AP2A1: variants seen among roughly 807,000 people sequenced by gnomAD.
The protein encoded by AP2A1 is AP-2 complex subunit alpha-1.
In AP2A1, 21 loss-of-function variants were observed where a neutral mutation model predicts 107.3. That is an observed-to-expected ratio of 0.20 (90% CI 0.14 to 0.28). The LOEUF is 0.28. Among genes scored for constraint, AP2A1 ranks in the 10% least tolerant of loss-of-function variants. The pLI, the probability that AP2A1 is intolerant of heterozygous loss-of-function variation, is 1.00. For synonymous variants in AP2A1, 602 were observed against 564.8 expected, an observed-to-expected ratio of 1.07 and a Z score of -0.93; for missense variants, 873 against 1,307.7, an observed-to-expected ratio of 0.67 and a Z score of 5.13.
chr19:49,794,466 T>C (rs993778304), intron 6 of AP2A1, among the ~76,000 whole-genome samples: 2 of 151,998 alleles, frequency 1.3e-5, no homozygotes, highest in Non-Finnish European at 2.9e-5. Context: ...CCTCCGAAAG[T>C]GCTGGGATTA....
intron 4 of AP2A1, among the ~76,000 whole-genome samples, chr19:49,784,832 C>T (rs187730976): frequency 6.6e-6 from 1 of 152,234 alleles, no homozygotes; most frequent in Non-Finnish European, 1.5e-5. Flanking sequence ...CTCATCACTG[C>T]ACTCTAACCT....
intron 1 of AP2A1, among the ~76,000 whole-genome samples, chr19:49,776,119 A>T (rs1049185326): frequency 2.0e-5 from 3 of 151,146 alleles, no homozygotes; most frequent in Non-Finnish European, 4.4e-5. Flanking sequence ...TGCCCCTCCC[A>T]TGGCCCCCCC....
intron 4 of AP2A1, among the ~76,000 whole-genome samples, chr19:49,791,696 C>G (rs1009317851): frequency 6.6e-6 from 1 of 152,150 alleles, no homozygotes; most frequent in African/African-American, 2.4e-5. Flanking sequence ...GGTGCAGAGC[C>G]AGGCTTGACA....
chr19:49,805,621 A>AG, intron 19 of AP2A1, 40 bp from the exon 20 acceptor site: 1 of 1,552,708 alleles, frequency 6.4e-7, no homozygotes. Flanking sequence ...CTCCGGGGTG[A>AG]GGGGCGGGGC....
intron 5 of AP2A1, among the ~76,000 whole-genome samples, 162 bp from the exon 6 acceptor site, chr19:49,792,829 T>G (rs1600232112): frequency 6.6e-6 from 1 of 151,924 alleles, no homozygotes; most frequent in East Asian, 1.9e-4. Context: ...CCCCGTGGCC[T>G]CCTCACCCCA....
intron 4 of AP2A1, among the ~76,000 whole-genome samples, 183 bp downstream of exon 4, chr19:49,782,907 A>G (rs931190000): frequency 2.0e-5 from 3 of 152,180 alleles, no homozygotes; most frequent in Non-Finnish European, 4.4e-5. Context: ...CGTGATACGA[A>G]GCTGACTTGA....
rs1370071565 is a variant in AP2A1, at chr19:49,792,193, G to T, written c.603+129G>T. 6 of 889,216 alleles carry T rather than the reference G, an allele frequency of 6.7e-6. No homozygotes were observed. The East Asian group carries it at 1.9e-4, about 28-fold the overall frequency. 55.1% of individuals were successfully genotyped at this position (889,216 alleles called of 1,614,324 possible). On this transcript the variant is annotated intron_variant, in intron 5 of 22. Transcript: ENST00000354293. The stretch of plus-strand genomic sequence containing the variant: ...ACCCAGGGCTCCCACCTCAGCCCAC[G>T]CACCCCCTGGATGCCCGGGGCTCCC...
At chr19:49,804,366 C>G (rs1212256810) in intron 18 of AP2A1, 1 of 152,126 alleles carries the variant, frequency 6.6e-6, no homozygotes, top group Admixed American at 6.5e-5. Context: ...ATGGTGAAAC[C>G]CCTTCTCTAC....
chr19:49,803,657 G>A (rs2123760963), intron 18 of AP2A1: 2 of 465,156 alleles, frequency 4.3e-6, no homozygotes, highest in Non-Finnish European at 4.0e-6. Flanking sequence ...TCCTGCCATC[G>A]TCCTCCACTG....
chr19:49,803,531 G>T lies in AP2A1; in HGVS notation c.2344+155G>T, dbSNP rs2073320283. ...GAGTGTCTGCATCTGTTAAGATGGGGGTGGGATTCCTTCCCCCAGGACAGG... is the reference window on the plus strand; with the variant it reads ...GAGTGTCTGCATCTGTTAAGATGGGTGTGGGATTCCTTCCCCCAGGACAGG... On this transcript the variant is annotated intron_variant, in intron 18 of 22. Coordinates refer to ENST00000354293, the MANE Select transcript of AP2A1 (RefSeq NM_130787.3). 1.0e-5 allele frequency: 7 copies of T among 672,512 alleles called. No homozygotes were observed. The East Asian group carries it at 1.9e-4, about 18-fold the overall frequency. The allele number at this position is 672,512 out of a possible 1,614,324, so 41.7% of individuals were successfully genotyped here.
intron 7 of AP2A1, chr19:49,796,224 G>A (rs1244340848): frequency 6.4e-6 from 1 of 156,994 alleles, no homozygotes; most frequent in African/African-American, 2.4e-5. Flanking sequence ...GCCAGGCACT[G>A]GGCAGGGGGC....
chr19:49,782,904 C>T (rs537287684), intron 4 of AP2A1, among the ~76,000 whole-genome samples, 180 bp downstream of exon 4: 3 of 152,298 alleles, frequency 2.0e-5, no homozygotes, highest in African/African-American at 7.2e-5. Flanking sequence ...TCCCGTGATA[C>T]GAAGCTGACT....
At chr19:49,787,513 ATTTT>A (rs370766749) in intron 4 of AP2A1, among the ~76,000 whole-genome samples, 1 of 129,032 alleles carries the variant, frequency 7.8e-6, no homozygotes, top group Non-Finnish European at 1.7e-5. Context: ...ACACCTGGCT[ATTTT>A]TTTTTTTTTT....
chr19:49,800,214 C>A, intron 11 of AP2A1, 64 bp downstream of exon 11: 1 of 1,513,852 alleles, frequency 6.6e-7, no homozygotes, highest in Non-Finnish European at 8.9e-7. Flanking sequence ...GCAAGGATGG[C>A]CGGGGCCGTG....
chr19:49,769,258 TA>T (rs67826037), intron 1 of AP2A1, among the ~76,000 whole-genome samples: 139,251 of 151,760 alleles, frequency 0.92, 63,970 homozygotes, highest in East Asian at 1. Context: ...TCTCCAAAAA[TA>T]AAAAAAAAGA....
chr19:49,805,997 C>T (rs1302558277), intron 21 of AP2A1, 56 bp downstream of exon 21: 2 of 1,613,134 alleles, frequency 1.2e-6, no homozygotes, highest in East Asian at 2.2e-5. Context: ...CTCTGAGCCT[C>T]TGTTTTCCCA....
At position 49,803,137 on chromosome 19, in the gene AP2A1, C is replaced by T. The variant is rs532203951; in HGVS notation, c.2202C>T (p.Phe734=). ...TGTGTAAGAACAACGGGGTCCTGTT[C>T]GAGAACCAGCTGCTGCAGATCGGAG... ...KFVCKNNGVL[F]ENQLLQIGVK... Residue 734 remains phenylalanine (F), a synonymous_variant, in exon 17 of 23, where the codon TTC becomes TTT. Coordinates refer to ENST00000354293, the MANE Select transcript of AP2A1 (RefSeq NM_130787.3). 1.9e-6 allele frequency: 3 copies of T among 1,613,958 alleles called. No individual in the cohort carries two copies. The highest frequency in any genetic ancestry group is 4.5e-5 in the East Asian group (2 of 44,882).
At chr19:49,769,114 G>A (rs1246383957) in intron 1 of AP2A1, among the ~76,000 whole-genome samples, 3 of 152,118 alleles carry the variant, frequency 2.0e-5, no homozygotes, top group African/African-American at 7.2e-5. Flanking sequence ...GCCAGGTGTG[G>A]TGGTGGGTGC....
rs1280173665 is a variant in AP2A1, at chr19:49,805,446, C to T, written c.2345-7C>T. 2 of 1,530,352 alleles carry T rather than the reference C, an allele frequency of 1.3e-6. No individual in the cohort carries two copies. Among genetic ancestry groups the T allele is most frequent in the Non-Finnish European group, 1.8e-6 (2 of 1,133,218 alleles). The allele number at this position is 1,530,352 out of a possible 1,614,324, so 94.8% of individuals were successfully genotyped here. ...TCTGTCTGGCTTCCTTGACTCCTGG[C>T]GGGCACAGCTGGCTGTGCAGACCAA... On this transcript the variant is annotated splice_region_variant and splice_polypyrimidine_tract_variant and intron_variant, in intron 18 of 22. Transcript: ENST00000354293.
Sources: allele counts gnomAD v4.1 joint callset (sites outside exome capture counted in the v4.1 genomes callset), GRCh38; gene constraint gnomAD v4.1.1; transcripts MANE v1.5; gene names NCBI Gene and HGNC (gene_info 2026-07-23, HGNC 2026-07-21).